The following RBFOX1 variants were observed in gnomAD, a reference collection of about 807,000 sequenced individuals.
RBFOX1 encodes the protein RNA binding protein fox-1 homolog 1.
RBFOX1 carries 8 observed loss-of-function variants against 57.7 expected under a neutral mutation model. That is an observed-to-expected ratio of 0.14 (90% confidence interval 0.08 to 0.25). The LOEUF (loss-of-function observed/expected upper bound fraction) is 0.25, where lower values mean the gene tolerates loss of function less well. RBFOX1 is among the 10% of genes least tolerant of loss of function. RBFOX1 has a pLI of 1.00. For synonymous variants in RBFOX1, 326 were observed against 222.4 expected, an observed-to-expected ratio of 1.47 and a Z score of -4.15; for missense variants, 611 against 548.5, an observed-to-expected ratio of 1.11 and a Z score of -1.14.
chr16:6,609,451 C>A (rs767850210), intron 2 of RBFOX1, among the ~76,000 whole-genome samples: 2 of 152,086 alleles, frequency 1.3e-5, no homozygotes, highest in Non-Finnish European at 2.9e-5. Context: ...AGGCTCAATC[C>A]TCCCACCTCA....
chr16:7,004,873 G>C (rs2093160922), intron 3 of RBFOX1, among the ~76,000 whole-genome samples: 1 of 152,120 alleles, frequency 6.6e-6, no homozygotes, highest in African/African-American at 2.4e-5. Context: ...AAAGAGGCCA[G>C]GTGAGGTGAC....
chr16:5,632,237 A>G (rs1016929872), intron 3 of RBFOX1, among the ~76,000 whole-genome samples: 5 of 152,244 alleles, frequency 3.3e-5, no homozygotes, highest in East Asian at 1.9e-4. Context: ...TCATGAGACA[A>G]CTAGCCACAG....
At chr16:6,624,744 C>G (rs12925206) in intron 2 of RBFOX1, among the ~76,000 whole-genome samples, 12,331 of 152,202 alleles carry the variant, frequency 0.081, 584 homozygotes, top group African/African-American at 0.093. Flanking sequence ...TGGAAACTCA[C>G]TCCTCCTGCT....
chr16:6,648,873 A>C (rs781490314), intron 2 of RBFOX1, among the ~76,000 whole-genome samples: 91 of 152,328 alleles, frequency 6.0e-4, no homozygotes, highest in Admixed American at 9.2e-4. Context: ...ATCATGTACA[A>C]CATGATGTTT....
intron 3 of RBFOX1, among the ~76,000 whole-genome samples, chr16:6,886,069 T>C (rs193072604): frequency 0.016 from 2,287 of 147,180 alleles, 71 homozygotes; most frequent in African/African-American, 0.05. Flanking sequence ...TTTTTTTCTT[T>C]TTTTTTTTTT....
chr16:7,281,327 T>C (rs2095539456), intron 4 of RBFOX1, among the ~76,000 whole-genome samples: 1 of 151,542 alleles, frequency 6.6e-6, no homozygotes, highest in Non-Finnish European at 1.5e-5. Context: ...TTTAATGAGC[T>C]TCTGCTTGGG....
intron 4 of RBFOX1, among the ~76,000 whole-genome samples, chr16:7,240,936 A>AAAGTTTCT (rs1245565017): frequency 3.3e-5 from 5 of 152,188 alleles, no homozygotes; most frequent in South Asian, 4.1e-4. Context: ...AGCAGCACAA[A>AAAGTTTCT]AAGTTTCTAA....
intron 3 of RBFOX1, among the ~76,000 whole-genome samples, chr16:7,023,210 C>T (rs1291520210): frequency 2.0e-5 from 3 of 151,952 alleles, no homozygotes; most frequent in Non-Finnish European, 4.4e-5. Context: ...GGCATGGTAG[C>T]TCATGACTAT....
intron 3 of RBFOX1, among the ~76,000 whole-genome samples, chr16:6,897,952 T>G (rs1429298857): frequency 6.6e-6 from 1 of 152,156 alleles, no homozygotes; most frequent in Non-Finnish European, 1.5e-5. Flanking sequence ...CCAGGTCGGA[T>G]CCCTGTGTTA....
chr16:6,431,725 G>T (rs1421829255), intron 2 of RBFOX1, among the ~76,000 whole-genome samples: 1 of 152,186 alleles, frequency 6.6e-6, no homozygotes, highest in South Asian at 2.1e-4. Context: ...TTCCAATGGG[G>T]TGCTCCTGTA....
chr16:6,607,768 T>G (rs2097962794), intron 2 of RBFOX1, among the ~76,000 whole-genome samples: 1 of 152,222 alleles, frequency 6.6e-6, no homozygotes, highest in Non-Finnish European at 1.5e-5. Context: ...CAAAATTCAG[T>G]GTCTACAACA....
chr16:6,399,769 A>G (rs547382282), intron 2 of RBFOX1, among the ~76,000 whole-genome samples: 2 of 152,324 alleles, frequency 1.3e-5, no homozygotes, highest in East Asian at 1.9e-4. Flanking sequence ...TCGGTGATTT[A>G]TAAAGAAAAG....
chr16:7,285,876 C>G (rs776077699), intron 4 of RBFOX1, among the ~76,000 whole-genome samples: 3 of 152,156 alleles, frequency 2.0e-5, no homozygotes, highest in East Asian at 1.9e-4. Context: ...ACACAAGATT[C>G]CATTTCTCTG....
At chr16:5,267,127 A>G (rs1437841372) in intron 1 of RBFOX1, among the ~76,000 whole-genome samples, 2 of 151,964 alleles carry the variant, frequency 1.3e-5, no homozygotes, top group Non-Finnish European at 2.9e-5. Context: ...ACATGGAAGG[A>G]TGAAGCCTCC....
chr16:6,018,621 C>T (rs1216247839), upstream of RBFOX1, among the ~76,000 whole-genome samples: 3 of 152,092 alleles, frequency 2.0e-5, no homozygotes, highest in South Asian at 2.1e-4. Flanking sequence ...GCCTGGAGAA[C>T]TTTTTGAATC....
At chr16:6,888,838 T>A (rs2064756793) in intron 3 of RBFOX1, among the ~76,000 whole-genome samples, 1 of 152,158 alleles carries the variant, frequency 6.6e-6, no homozygotes, top group Admixed American at 6.5e-5. Context: ...CTAACTATAT[T>A]TTTATGTCCT....
intron 4 of RBFOX1, among the ~76,000 whole-genome samples, chr16:7,358,846 A>G (rs768023886): frequency 5.9e-5 from 9 of 152,356 alleles, no homozygotes; most frequent in Non-Finnish European, 8.8e-5. Flanking sequence ...ACTTATCTAC[A>G]TAATACGAGA....
At chr16:6,162,858 C>G (rs113781052) in intron 1 of RBFOX1, among the ~76,000 whole-genome samples, 2 of 152,084 alleles carry the variant, frequency 1.3e-5, no homozygotes, top group South Asian at 2.1e-4. Context: ...TTCACCCAAC[C>G]GAGTAGCTGG....
chr16:7,291,565 A>G (rs1238598566), intron 4 of RBFOX1, among the ~76,000 whole-genome samples: 2 of 152,176 alleles, frequency 1.3e-5, no homozygotes, highest in Non-Finnish European at 2.9e-5. Flanking sequence ...TTCAAGATTA[A>G]GTAAATGGAA....
Sources: gnomAD v4.1 joint callset for allele counts (sites outside exome capture counted in the v4.1 genomes callset) on GRCh38, gnomAD v4.1.1 for gene constraint, MANE v1.5 for transcripts, NCBI Gene and HGNC (gene_info 2026-07-23, HGNC 2026-07-21) for gene names.